The following MARCHF1 variants were observed in gnomAD, a reference collection of about 807,000 sequenced individuals.
The protein encoded by MARCHF1 is membrane associated ring-CH-type finger 1.
A neutral mutation model predicts 54.2 loss-of-function variants in MARCHF1; 40 were observed. That is an observed-to-expected ratio of 0.74 (90% CI 0.57 to 0.96). The LOEUF (loss-of-function observed/expected upper bound fraction) is 0.96, where lower values mean the gene tolerates loss of function less well. Ranked by LOEUF, MARCHF1 falls within the 40% of genes least tolerant of loss-of-function variation. The pLI, the probability that MARCHF1 is intolerant of heterozygous loss-of-function variation, is 0.00. For synonymous variants in MARCHF1, 236 were observed against 236.3 expected (o/e 1.00, Z 0.01); for missense variants, 586 against 656.5 (o/e 0.89, Z 1.17).
chr4:164,372,448 A>T (rs1731062408), intron 1 of MARCHF1, among the ~76,000 whole-genome samples: 1 of 152,194 alleles, frequency 6.6e-6, no homozygotes, highest in Non-Finnish European at 1.5e-5. Context: ...TATTTTGGAT[A>T]CATTTCTGGA....
chr4:164,072,780 CAT>C (rs1404069466), intron 2 of MARCHF1, among the ~76,000 whole-genome samples: 75 of 149,408 alleles, frequency 5.0e-4, no homozygotes, highest in African/African-American at 1.8e-3. Flanking sequence ...TGGATGAAGA[CAT>C]GTGTATTGAG....
At chr4:164,284,883 T>G (rs1026969066) in intron 1 of MARCHF1, among the ~76,000 whole-genome samples, 3 of 151,094 alleles carry the variant, frequency 2.0e-5, no homozygotes, top group Non-Finnish European at 4.4e-5. Flanking sequence ...ATGGTTGAGC[T>G]TTTTACTTCC....
intron 3 of MARCHF1, among the ~76,000 whole-genome samples, chr4:163,954,350 C>G (rs929148621): frequency 6.6e-6 from 1 of 152,042 alleles, no homozygotes; most frequent in African/African-American, 2.4e-5. Context: ...ATGTCTAAAA[C>G]TTTCTTGGAT....
chr4:163,876,316 C>T (rs1402435128), intron 3 of MARCHF1, among the ~76,000 whole-genome samples: 1 of 152,118 alleles, frequency 6.6e-6, no homozygotes, highest in Non-Finnish European at 1.5e-5. Flanking sequence ...CTTTAGACCT[C>T]CCATCCCCTC....
intron 1 of MARCHF1, among the ~76,000 whole-genome samples, chr4:164,199,466 A>C (rs1287334157): frequency 6.6e-6 from 1 of 151,978 alleles, no homozygotes; most frequent in African/African-American, 2.4e-5. Flanking sequence ...ACATGGTAAA[A>C]CCTGGTTGTT....
At chr4:163,550,448 T>G (rs1490726076) in intron 8 of MARCHF1, among the ~76,000 whole-genome samples, 4 of 151,702 alleles carry the variant, frequency 2.6e-5, no homozygotes, top group Admixed American at 6.6e-5. Context: ...TATAGAATGA[T>G]AGACCAAAAA....
intron 4 of MARCHF1, among the ~76,000 whole-genome samples, chr4:163,748,149 T>G (rs1183833880): frequency 6.6e-6 from 1 of 152,230 alleles, no homozygotes; most frequent in Non-Finnish European, 1.5e-5. Context: ...CTCCTTGCCC[T>G]CTGCCTCAGG....
intron 4 of MARCHF1, among the ~76,000 whole-genome samples, chr4:163,711,934 T>G (rs1408585796): frequency 6.6e-6 from 1 of 152,130 alleles, no homozygotes; most frequent in African/African-American, 2.4e-5. Context: ...TATTACTAAT[T>G]TTTGCTATTT....
intron 1 of MARCHF1, among the ~76,000 whole-genome samples, chr4:164,138,191 A>AT (rs913557866): frequency 6.8e-6 from 1 of 147,364 alleles, no homozygotes; most frequent in Non-Finnish European, 1.5e-5. Flanking sequence ...CATCTGGTTT[A>AT]TTTTTTACTG....
At chr4:163,979,328 T>C (rs1454774749) in intron 3 of MARCHF1, among the ~76,000 whole-genome samples, 259 of 149,290 alleles carry the variant, frequency 1.7e-3, no homozygotes, top group Middle Eastern at 0.01. Context: ...ATTTCATCCA[T>C]GTCCCTACAA....
At chr4:164,380,507 CCACTGTTCAT>C (rs2110987551) in intron 1 of MARCHF1, among the ~76,000 whole-genome samples, 1 of 152,278 alleles carries the variant, frequency 6.6e-6, no homozygotes, top group South Asian at 2.1e-4. Context: ...ATATTTCCTA[CCACTGTTCAT>C]CACTGAAACA....
chr4:163,617,929 C>G (rs1412135594), intron 5 of MARCHF1, among the ~76,000 whole-genome samples: 4 of 152,098 alleles, frequency 2.6e-5, no homozygotes, highest in African/African-American at 7.2e-5. Context: ...GTCATAATTC[C>G]ACAGGTCTGA....
At chr4:163,984,105 CAA>C (rs955451940) in intron 3 of MARCHF1, among the ~76,000 whole-genome samples, 4 of 151,792 alleles carry the variant, frequency 2.6e-5, no homozygotes, top group Non-Finnish European at 5.9e-5. Flanking sequence ...GAATCTCTAC[CAA>C]AAGAGATTCC....
In MARCHF1 at chr4:163,732,397, C is replaced by T. The variant is rs1386506153; in HGVS notation, c.112-31534G>A. Among the ~76,000 whole-genome samples the T allele has an allele frequency of 4.6e-5, 7 of 151,936 alleles. No individual in the cohort carries two copies. In the East Asian group the frequency reaches 1.3e-3, roughly 29 times the overall value. On this transcript the variant is annotated intron_variant, in intron 4 of 9. Transcript: ENST00000514618. ...AAAAAGAACATCAGTGAACTAGAGG[C>T]TAACTCTAAGCAGCCAATTATATAT...
chr4:164,281,034 T>A (rs1734012629), intron 1 of MARCHF1, among the ~76,000 whole-genome samples: 1 of 152,204 alleles, frequency 6.6e-6, no homozygotes, highest in Non-Finnish European at 1.5e-5. Flanking sequence ...CCACATTGTT[T>A]ATAATAAACC....
At chr4:163,970,334 T>C (rs988959400) in intron 3 of MARCHF1, among the ~76,000 whole-genome samples, 1 of 152,196 alleles carries the variant, frequency 6.6e-6, no homozygotes, top group African/African-American at 2.4e-5. Context: ...TGTCCTCCCA[T>C]GGGTCCTAAA....
intron 1 of MARCHF1, among the ~76,000 whole-genome samples, chr4:164,161,181 G>T (rs147221439): frequency 6.6e-6 from 1 of 152,042 alleles, no homozygotes. Flanking sequence ...CATCACCCTT[G>T]GTTCTGTCCT....
intron 3 of MARCHF1, among the ~76,000 whole-genome samples, chr4:163,859,769 A>G (rs1429732374): frequency 6.6e-6 from 1 of 152,188 alleles, no homozygotes; most frequent in Non-Finnish European, 1.5e-5. Flanking sequence ...TGGAGAAACT[A>G]TAACAATAGT....
intron 1 of MARCHF1, among the ~76,000 whole-genome samples, chr4:164,336,162 C>T (rs1258966720): frequency 6.6e-6 from 1 of 152,132 alleles, no homozygotes; most frequent in African/African-American, 2.4e-5. Flanking sequence ...AAAATTGCTG[C>T]TTCTTGATAG....
Sources: gnomAD v4.1 joint callset for allele counts (sites outside exome capture counted in the v4.1 genomes callset) on GRCh38, gnomAD v4.1.1 for gene constraint, MANE v1.5 for transcripts, NCBI Gene and HGNC (gene_info 2026-07-23, HGNC 2026-07-21) for gene names.